The following EPB41L4B variants were observed in gnomAD, a reference collection of about 807,000 sequenced individuals.
EPB41L4B encodes erythrocyte membrane protein band 4.1 like 4B.
In EPB41L4B, 30 loss-of-function variants were observed where a neutral mutation model predicts 112.5. The observed-to-expected ratio is 0.27, with a 90% CI of 0.20 to 0.36. The LOEUF is 0.36. EPB41L4B is among the 10% of genes least tolerant of loss of function. The probability of loss-of-function intolerance (pLI) is 1.00; values close to 1 mark genes in which losing one functional copy is unlikely to be tolerated. For synonymous variants in EPB41L4B, 408 were observed against 439.7 expected, an observed-to-expected ratio of 0.93 and a Z score of 0.90; for missense variants, 1,024 against 1,133.3, an observed-to-expected ratio of 0.90 and a Z score of 1.38.
chr9:109,271,335 A>C (rs1835611229), intron 2 of EPB41L4B, among the ~76,000 whole-genome samples: 1 of 152,246 alleles, frequency 6.6e-6, no homozygotes, highest in Non-Finnish European at 1.5e-5. Context: ...CCGAGAATGG[A>C]ATCAGAAACG....
chr9:109,187,306 T>G (rs1364598066), intron 22 of EPB41L4B, among the ~76,000 whole-genome samples: 5 of 152,190 alleles, frequency 3.3e-5, no homozygotes. Flanking sequence ...TTTACAATTG[T>G]GCAGTCCTGG....
chr9:109,253,521 C>A lies in EPB41L4B; in HGVS notation c.1199G>T (p.Gly400Val), dbSNP rs752307194. ...GGTGCTGGTTCTTCGTAACCTGGAG[C>A]CATGTGTAGCTTGATATTCTGTCCG... ...SGRTEYQATH[G>V]SRLRRTSTFE... is the part of the protein sequence containing the mutation. The change falls in exon 12 of 26, where the codon GGC (glycine) becomes GTC (valine). Residue 400 changes from glycine to valine, a missense_variant. By Grantham distance (109) the Gly-to-Val change is moderately radical. Transcript: ENST00000374566. 5 of 1,613,614 alleles carry A rather than the reference C, an allele frequency of 3.1e-6. No homozygotes were observed. In the Admixed American group the frequency reaches 8.3e-5, roughly 27 times the overall value.
At chr9:109,188,257 G>A (rs984159722) in intron 22 of EPB41L4B, among the ~76,000 whole-genome samples, 4 of 152,156 alleles carry the variant, frequency 2.6e-5, no homozygotes, top group African/African-American at 9.7e-5. Flanking sequence ...AGACTTTAGT[G>A]AGTACCGAGC....
chr9:109,175,106 G>A (rs995296142), intron 25 of EPB41L4B, among the ~76,000 whole-genome samples: 9 of 151,376 alleles, frequency 5.9e-5, no homozygotes, highest in Admixed American at 2.0e-4. Flanking sequence ...TAGTAGAGAC[G>A]GGGTTTCACC....
chr9:109,285,498 TC>T (rs1836240553), intron 1 of EPB41L4B, among the ~76,000 whole-genome samples: 1 of 152,028 alleles, frequency 6.6e-6, no homozygotes, highest in Non-Finnish European at 1.5e-5. Flanking sequence ...CTCCCATATG[TC>T]CCCCAAGTAT....
At chr9:109,285,453 C>A (rs761267503) in intron 1 of EPB41L4B, among the ~76,000 whole-genome samples, 51 of 152,152 alleles carry the variant, frequency 3.4e-4, no homozygotes, top group Non-Finnish European at 6.6e-4. Flanking sequence ...CTTTACTCAA[C>A]TCTGATGCTT....
At chr9:109,252,611 C>G (rs778225406) in intron 12 of EPB41L4B, among the ~76,000 whole-genome samples, 6 of 152,150 alleles carry the variant, frequency 3.9e-5, no homozygotes, top group Non-Finnish European at 8.8e-5. Context: ...GGTACCAAGT[C>G]CCATGGAGGC....
At position 109,321,008 on chromosome 9, in the gene EPB41L4B, AGCCGCCGCCGCCGCCGCCGCCGCCGCT is replaced by A. The variant is rs1008526216; in HGVS notation, c.-589_-563del. On this transcript the variant is annotated 5_prime_UTR_variant, in exon 1 of 26. Coordinates refer to ENST00000374566, the MANE Select transcript of EPB41L4B (RefSeq NM_019114.5). ...CTCCCACCTGGGAGGCTGCACCTCCAGCCGCCGCCGCCGCCGCCGCCGCCGCTGCCGCCGGGACTGCAGCACGCCCTC... is the reference window on the plus strand; with the variant it reads ...CTCCCACCTGGGAGGCTGCACCTCCAGCCGCCGGGACTGCAGCACGCCCTC... 2 of 178,640 alleles carry A rather than the reference AGCCGCCGCCGCCGCCGCCGCCGCCGCT, an allele frequency of 1.1e-5. No individual in the cohort carries two copies. Among genetic ancestry groups the A allele is most frequent in the African/African-American group, 5.0e-5 (2 of 39,738 alleles). 11.1% of individuals were successfully genotyped at this position (178,640 alleles called of 1,614,324 possible). A position where few individuals can be genotyped will look rare whatever the true frequency, so the allele number is the denominator to read the frequency against.
At chr9:109,187,484 T>C (rs1832311366) in intron 22 of EPB41L4B, among the ~76,000 whole-genome samples, 1 of 146,042 alleles carries the variant, frequency 6.8e-6, no homozygotes, top group African/African-American at 2.4e-5. Flanking sequence ...TGAATCCATC[T>C]GAGTCACCTG....
intron 1 of EPB41L4B, 119 bp downstream of exon 1, chr9:109,320,022 T>TG: frequency 1.3e-6 from 1 of 791,152 alleles, no homozygotes; most frequent in Non-Finnish European, 1.7e-6. Flanking sequence ...GAGAAGAGGA[T>TG]GGGGGAGGGG....
chr9:109,285,707 C>A (rs1325145340), intron 1 of EPB41L4B, among the ~76,000 whole-genome samples: 1 of 152,150 alleles, frequency 6.6e-6, no homozygotes, highest in Admixed American at 6.5e-5. Flanking sequence ...CTCTTCCCAG[C>A]CTGCAGTGTC....
At chr9:109,294,306 CA>C (rs754733623) in intron 1 of EPB41L4B, among the ~76,000 whole-genome samples, 1,799 of 56,150 alleles carry the variant, frequency 0.032, 17 homozygotes, top group East Asian at 0.11. Context: ...GACTCCGTCT[CA>C]AAAAAAAAAA....
At position 109,320,402 on chromosome 9, in the gene EPB41L4B, C is replaced by G; in HGVS notation, c.45G>C (p.Gln15His). The G allele has an allele frequency of 1.0e-6, 1 of 988,168 alleles. No homozygotes were observed. Among genetic ancestry groups the G allele is most frequent in the Non-Finnish European group, 1.2e-6 (1 of 833,340 alleles). 61.2% of individuals were successfully genotyped at this position (988,168 alleles called of 1,614,324 possible). ...GCCCCGCCGCGCCCCGCGCGTAGCG[C>G]TGCATGGAGCGGCGGCCAAAGGTCC... ...LRRTFGRRSM[Q>H]RYARGAAGRG... The change falls in exon 1 of 26, where the codon CAG becomes CAC. Residue 15 changes from glutamine to histidine, a missense_variant. Transcript: ENST00000374566.
intron 1 of EPB41L4B, among the ~76,000 whole-genome samples, chr9:109,309,187 G>A (rs1164919829): frequency 6.6e-6 from 1 of 152,028 alleles, no homozygotes; most frequent in Non-Finnish European, 1.5e-5. Flanking sequence ...AAATGAAGAT[G>A]ACTACTTAGG....
chr9:109,241,780 C>T, intron 15 of EPB41L4B: 2 of 1,614,144 alleles, frequency 1.2e-6, no homozygotes, highest in Non-Finnish European at 1.7e-6. Context: ...CGATGCTTTC[C>T]AATGCGACCT....
intron 19 of EPB41L4B, among the ~76,000 whole-genome samples, chr9:109,201,983 A>C (rs200812152): frequency 3.9e-5 from 6 of 152,330 alleles, no homozygotes; most frequent in East Asian, 3.9e-4. Flanking sequence ...TGTGGGCAGC[A>C]GTAGGCCCGG....
intron 25 of EPB41L4B, 60 bp from the exon 26 acceptor site, chr9:109,174,683 A>G: frequency 7.0e-7 from 1 of 1,436,476 alleles, no homozygotes; most frequent in Non-Finnish European, 9.8e-7. Flanking sequence ...AGAAGCAGAC[A>G]GCTTAAGTAT....
At chr9:109,290,954 T>G (rs1836504660) in intron 1 of EPB41L4B, among the ~76,000 whole-genome samples, 1 of 152,162 alleles carries the variant, frequency 6.6e-6, no homozygotes, top group Non-Finnish European at 1.5e-5. Flanking sequence ...TCAGCAAGAT[T>G]TGGTGACTCA....
chr9:109,214,114 G>C (rs187561471), intron 16 of EPB41L4B, among the ~76,000 whole-genome samples: 2 of 152,304 alleles, frequency 1.3e-5, no homozygotes, highest in Admixed American at 1.3e-4. Flanking sequence ...TTGCAGGGTT[G>C]CTGTGAATAT....
Sources: gnomAD v4.1 joint callset for allele counts (sites outside exome capture counted in the v4.1 genomes callset) on GRCh38, gnomAD v4.1.1 for gene constraint, MANE v1.5 for transcripts, NCBI Gene and HGNC (gene_info 2026-07-23, HGNC 2026-07-21) for gene names.